Variants in DGKH observed in about 807,000 individuals in gnomAD.
The protein encoded by DGKH is DAG kinase eta.
DGKH carries 90 observed loss-of-function variants against 159.3 expected under a neutral mutation model. The ratio of observed to expected loss-of-function variants is 0.57; its 90% confidence interval spans 0.48 to 0.67. DGKH has a LOEUF of 0.67. Ranked by LOEUF, DGKH falls within the 30% of genes least tolerant of loss-of-function variation. The pLI, the probability that DGKH is intolerant of heterozygous loss-of-function variation, is 0.00. For synonymous variants in DGKH, 536 were observed against 553.8 expected, an observed-to-expected ratio of 0.97 and a Z score of 0.45; for missense variants, 1,181 against 1,506.1, an observed-to-expected ratio of 0.78 and a Z score of 3.57.
chr13:42,219,129 A>C, intron 26 of DGKH, 101 bp from the exon 27 acceptor site: 1 of 1,405,048 alleles, frequency 7.1e-7, no homozygotes. Context: ...CTACCTTAAT[A>C]AGGAGTGAGG....
chr13:42,214,631 A>G lies in DGKH; in HGVS notation c.3120+19A>G. On this transcript the variant is annotated intron_variant, in intron 25 of 29. Transcript: ENST00000337343. Reference sequence around the variant, plus strand: ...CCCGGAGGTGAGGATCTAATGGTAAATTCTCATTCCACAGATTCTTTTGGG... The same window carrying G: ...CCCGGAGGTGAGGATCTAATGGTAAGTTCTCATTCCACAGATTCTTTTGGG... The G allele has an allele frequency of 6.2e-7, 1 of 1,607,538 alleles. No individual in the cohort carries two copies.
In DGKH at chr13:42,159,310, A is replaced by G. The variant is rs1375989305; in HGVS notation, c.667A>G (p.Asn223Asp). Residue 223 changes from asparagine to aspartate, a missense_variant, in exon 6 of 30, where the codon AAT becomes GAT. Physicochemically the swap from Asn to Asp is conservative, Grantham distance 23. Transcript: ENST00000337343. ...CAAAAGATGTGCAGTGAGAGCAACA[A>G]ATAACTGTAAATGGACTACCCTGGC... ...AHKRCAVRATNNCKWTTLASI... is the reference protein window; with the variant it reads ...AHKRCAVRATDNCKWTTLASI... The G allele has an allele frequency of 6.5e-7, 1 of 1,530,740 alleles. No individual in the cohort carries two copies. The highest frequency in any genetic ancestry group is 1.9e-5 in the Admixed American group (1 of 54,002). The allele number at this position is 1,530,740 out of a possible 1,614,324, so 94.8% of individuals were successfully genotyped here.
intron 26 of DGKH, among the ~76,000 whole-genome samples, chr13:42,218,172 A>G (rs973533120): frequency 2.6e-5 from 4 of 152,234 alleles, no homozygotes; most frequent in Non-Finnish European, 4.4e-5. Context: ...ACTGCCTTCC[A>G]GTTCTGTGCA....
chr13:42,243,442 C>CA (rs1958550828), downstream of DGKH, among the ~76,000 whole-genome samples: 1 of 152,054 alleles, frequency 6.6e-6, no homozygotes, highest in Non-Finnish European at 1.5e-5. Flanking sequence ...TCACCTCCCC[C>CA]AAAAAACCAC....
intron 11 of DGKH, among the ~76,000 whole-genome samples, chr13:42,173,133 G>A (rs1395828981): frequency 6.6e-6 from 1 of 152,062 alleles, no homozygotes; most frequent in Non-Finnish European, 1.5e-5. Context: ...CACCATGCCA[G>A]GCTATTTTTA....
Position 42,241,091 on chromosome 13 carries a change from G to T in DGKH, c.*11903G>T, listed in dbSNP as rs1958505305. 6.6e-6 allele frequency: 1 copy of T among 151,072 alleles called. No homozygotes were observed. The highest frequency in any genetic ancestry group is 2.4e-5 in the African/African-American group (1 of 40,872). 9.4% of individuals were successfully genotyped at this position (151,072 alleles called of 1,614,324 possible). On this transcript the variant is annotated 3_prime_UTR_variant, in exon 30 of 30. Coordinates refer to ENST00000337343, the MANE Select transcript of DGKH (RefSeq NM_178009.5). ...TGCACCACTGCACTCCAGCCTGGGC[G>T]ACAGAGTGAGACTCTGTCTCAAAAA... is the stretch of plus-strand genomic sequence containing the variant.
intron 29 of DGKH, among the ~76,000 whole-genome samples, chr13:42,227,948 G>GT (rs924747928): frequency 1.3e-5 from 2 of 152,078 alleles, no homozygotes; most frequent in Admixed American, 1.3e-4. Flanking sequence ...TTATAACCCT[G>GT]TTTTTTAGGC....
upstream of DGKH, among the ~76,000 whole-genome samples, chr13:42,047,977 C>G (rs1043099450): frequency 6.6e-6 from 1 of 151,608 alleles, no homozygotes; most frequent in African/African-American, 2.4e-5. Flanking sequence ...CAGAGCGGAG[C>G]TGAACCTCCC....
Position 42,174,158 on chromosome 13 carries a change from CT to C in DGKH, c.1452+17del. Reference sequence around the variant, plus strand: ...GAAGAATTTTATGTAAGACTTAACCCTTTACCTATCATTTGAAATGGGGGTG... The same window carrying C: ...GAAGAATTTTATGTAAGACTTAACCCTTACCTATCATTTGAAATGGGGGTG... On this transcript the variant is annotated intron_variant, in intron 12 of 29. Transcript: ENST00000337343. The C allele has an allele frequency of 6.3e-7, 1 of 1,586,486 alleles. No individual in the cohort carries two copies. Among genetic ancestry groups the C allele is most frequent in the Non-Finnish European group, 8.6e-7 (1 of 1,162,936 alleles).
intron 1 of DGKH, among the ~76,000 whole-genome samples, chr13:42,049,542 C>T (rs1385853315): frequency 2.0e-5 from 3 of 152,246 alleles, no homozygotes; most frequent in Non-Finnish European, 4.4e-5. Flanking sequence ...CTGCCTCCTG[C>T]TGCGGTCTGG....
chr13:42,168,887 T>C, intron 11 of DGKH, 69 bp downstream of exon 11: 1 of 1,463,526 alleles, frequency 6.8e-7, no homozygotes, highest in Non-Finnish European at 9.1e-7. Flanking sequence ...TGATGATTTC[T>C]TAATAAATAT....
At chr13:42,193,649 G>A (rs987305433) in intron 16 of DGKH, among the ~76,000 whole-genome samples, 2 of 152,086 alleles carry the variant, frequency 1.3e-5, no homozygotes, top group African/African-American at 4.8e-5. Context: ...TACGCTCTCT[G>A]CTTTTTGTCA....
intron 30 of DGKH, chr13:42,255,918 T>A: frequency 6.3e-7 from 1 of 1,590,616 alleles, no homozygotes; most frequent in Non-Finnish European, 8.5e-7. Context: ...TTGCCTTTTG[T>A]CACTGCTCCA....
chr13:42,185,495 A>G (rs1956895401), intron 13 of DGKH, among the ~76,000 whole-genome samples: 1 of 152,218 alleles, frequency 6.6e-6, no homozygotes, highest in South Asian at 2.1e-4. Context: ...CTAGGAGTGA[A>G]TAAGATACCA....
At position 42,204,105 on chromosome 13, in the gene DGKH, A is replaced by G. The variant is rs546689421; in HGVS notation, c.2494-1934A>G. Among the ~76,000 whole-genome samples the G allele has an allele frequency of 4.6e-5, 7 of 152,316 alleles. No individual in the cohort carries two copies. The South Asian group carries it at 1.4e-3, about 32-fold the overall frequency. On this transcript the variant is annotated intron_variant, in intron 20 of 29. Transcript: ENST00000337343. ...TTTCTGAAAATCTTCATCGTTTTCC[A>G]TACCATGTTTGCAAATAAAGTGCAT...
intron 13 of DGKH, among the ~76,000 whole-genome samples, chr13:42,179,888 C>A (rs1956706551): frequency 2.0e-5 from 3 of 151,906 alleles, no homozygotes; most frequent in Admixed American, 2.0e-4. Context: ...GGGGTGGCTA[C>A]TCTAATTATC....
At position 42,126,101 on chromosome 13, in the gene DGKH, G is replaced by A. The variant is rs957641277; in HGVS notation, c.193-1362G>A. Among the ~76,000 whole-genome samples, 5 of 152,068 alleles carry A rather than the reference G, an allele frequency of 3.3e-5. No homozygotes were observed. The East Asian group carries it at 5.8e-4, about 18-fold the overall frequency. On this transcript the variant is annotated intron_variant, in intron 1 of 29. Transcript: ENST00000337343. The stretch of plus-strand genomic sequence containing the variant: ...CTATAGAAAGGCTCTAGTGTAGTTT[G>A]CTTTCTTTTTTCCTTCCTCTCTTCT...
Position 42,238,133 on chromosome 13 carries a change from T to A in DGKH, c.*8945T>A, listed in dbSNP as rs569441303. On this transcript the variant is annotated 3_prime_UTR_variant, in exon 30 of 30. Transcript: ENST00000337343. Reference sequence around the variant, plus strand: ...CACAATATTATCAGTTGTTAGTACTTGGTAACGTTTCTTTTACTAAAGGAA... The same window carrying A: ...CACAATATTATCAGTTGTTAGTACTAGGTAACGTTTCTTTTACTAAAGGAA... 1.5e-4 allele frequency: 23 copies of A among 152,342 alleles called. No individual in the cohort carries two copies. The highest frequency in any genetic ancestry group is 2.9e-4 in the Non-Finnish European group (20 of 68,020). The allele number at this position is 152,342 out of a possible 1,614,324, so 9.4% of individuals were successfully genotyped here. A position where few individuals can be genotyped will look rare whatever the true frequency, so the allele number is the denominator to read the frequency against.
At chr13:42,093,483 A>G (rs1164454427) in intron 1 of DGKH, among the ~76,000 whole-genome samples, 5 of 152,234 alleles carry the variant, frequency 3.3e-5, no homozygotes, top group Admixed American at 2.6e-4. Context: ...GAATTATTTC[A>G]TGATCCAGCG....
Sources: gnomAD v4.1 joint callset for allele counts (sites outside exome capture counted in the v4.1 genomes callset) on GRCh38, gnomAD v4.1.1 for gene constraint, MANE v1.5 for transcripts, NCBI Gene and HGNC (gene_info 2026-07-23, HGNC 2026-07-21) for gene names.